Variants in C12orf42 observed in about 807,000 individuals in gnomAD.
The protein encoded by C12orf42 is uncharacterized protein C12orf42.
C12orf42 carries 25 observed loss-of-function variants against 21.6 expected under a neutral mutation model. The observed-to-expected ratio is 1.16, with a 90% CI of 0.84 to 1.62. The LOEUF is 1.62. Among genes scored for constraint, C12orf42 ranks in the 40% most tolerant of loss-of-function variants. The probability of loss-of-function intolerance (pLI) is 0.00; values close to 1 mark genes in which losing one functional copy is unlikely to be tolerated. For synonymous variants in C12orf42, 174 were observed against 175.0 expected, an observed-to-expected ratio of 0.99 and a Z score of 0.05; for missense variants, 483 against 459.3, an observed-to-expected ratio of 1.05 and a Z score of -0.47.
At chr12:103,281,167 T>C (rs992959560) in intron 4 of C12orf42, among the ~76,000 whole-genome samples, 21 of 152,224 alleles carry the variant, frequency 1.4e-4, no homozygotes, top group Admixed American at 1.1e-3. Flanking sequence ...CGAGATTCTT[T>C]ACACAGAATT....
the C12orf42 span, among the ~76,000 whole-genome samples, chr12:103,103,188 G>A: frequency 4.6e-5 from 7 of 152,128 alleles, no homozygotes; most frequent in South Asian, 1.2e-3. Flanking sequence ...CCAAGCTCAA[G>A]CATAGGGGAT....
chr12:103,084,719 G>A, the C12orf42 span, among the ~76,000 whole-genome samples: 1 of 152,018 alleles, frequency 6.6e-6, no homozygotes, highest in Non-Finnish European at 1.5e-5. Context: ...TGTTTCTTTT[G>A]GAAGCCAATT....
rs571254035 is a variant in C12orf42, at chr12:103,334,825, C to T, written c.260-28480G>A. Among the ~76,000 whole-genome samples, 43 of 152,296 alleles carry T rather than the reference C, an allele frequency of 2.8e-4. No homozygotes were observed. The South Asian group carries it at 8.7e-3, about 31-fold the overall frequency. Reference sequence around the variant, plus strand: ...TATGGCGAATAATTAGTTTTTCGACCCCACTCAAGAAAAATGTCCGCTTCA... The same window carrying T: ...TATGGCGAATAATTAGTTTTTCGACTCCACTCAAGAAAAATGTCCGCTTCA... On this transcript the variant is annotated intron_variant, in intron 4 of 5. Coordinates refer to ENST00000548883, the MANE Select transcript of C12orf42 (RefSeq NM_198521.5).
At chr12:103,431,794 A>G (rs1950287226) in intron 2 of C12orf42, among the ~76,000 whole-genome samples, 1 of 152,166 alleles carries the variant, frequency 6.6e-6, no homozygotes, top group Admixed American at 6.5e-5. Context: ...CACAGCACCA[A>G]AGTATGCTAG....
chr12:103,112,372 C>T, the C12orf42 span, among the ~76,000 whole-genome samples: 101 of 152,282 alleles, frequency 6.6e-4, no homozygotes, highest in Non-Finnish European at 5.6e-4. Context: ...TTAACTACTT[C>T]ATTGTGGCCA....
the C12orf42 span, among the ~76,000 whole-genome samples, chr12:103,131,619 A>T: frequency 6.6e-6 from 1 of 152,126 alleles, no homozygotes; most frequent in Non-Finnish European, 1.5e-5. Context: ...TTTTTTTCTC[A>T]ATAGAAATCA....
the C12orf42 span, among the ~76,000 whole-genome samples, chr12:103,116,692 T>C: frequency 6.6e-6 from 1 of 152,182 alleles, no homozygotes; most frequent in African/African-American, 2.4e-5. Flanking sequence ...ACAAGACATA[T>C]GAAAATCTCA....
chr12:103,526,506 G>A, the C12orf42 span, among the ~76,000 whole-genome samples: 1 of 152,148 alleles, frequency 6.6e-6, no homozygotes, highest in Non-Finnish European at 1.5e-5. Flanking sequence ...AACACTAGGA[G>A]GTGTATATGA....
At chr12:103,278,801 C>A (rs2035931351) in intron 4 of C12orf42, among the ~76,000 whole-genome samples, 1 of 152,212 alleles carries the variant, frequency 6.6e-6, no homozygotes, top group South Asian at 2.1e-4. Flanking sequence ...CAAAATAAAT[C>A]CAATGGCTTC....
the C12orf42 span, among the ~76,000 whole-genome samples, chr12:103,229,544 A>G: frequency 1.3e-5 from 2 of 152,222 alleles, no homozygotes; most frequent in African/African-American, 2.4e-5. Context: ...TAGTCTTACC[A>G]TTTTGTGTGA....
intron 1 of C12orf42, 41 bp from the exon 2 acceptor site, chr12:103,478,488 GA>G: frequency 1.0e-6 from 1 of 954,816 alleles, no homozygotes. Context: ...GGTTTACAAT[GA>G]TGCAATGATA....
intron 2 of C12orf42, among the ~76,000 whole-genome samples, chr12:103,475,145 T>C (rs1592967673): frequency 6.6e-6 from 1 of 152,204 alleles, no homozygotes. Context: ...AATTGTTTTC[T>C]ATAGAGACAA....
the C12orf42 span, among the ~76,000 whole-genome samples, chr12:103,076,547 A>T: frequency 0.012 from 1,808 of 152,194 alleles, 42 homozygotes; most frequent in African/African-American, 0.041. Flanking sequence ...ACAAAGTCGC[A>T]AGGGGGACTT....
intron 1 of C12orf42, among the ~76,000 whole-genome samples, chr12:103,494,592 T>A (rs977743980): frequency 6.6e-6 from 1 of 152,106 alleles, no homozygotes; most frequent in Non-Finnish European, 1.5e-5. Flanking sequence ...ACTGTAGTAA[T>A]GGTTTCAAAA....
chr12:103,165,993 T>A, the C12orf42 span, among the ~76,000 whole-genome samples: 1 of 149,676 alleles, frequency 6.7e-6, no homozygotes. Flanking sequence ...TGAGCCGAGA[T>A]CGCGCCACTG....
At chr12:103,062,397 T>A in the C12orf42 span, among the ~76,000 whole-genome samples, 21 of 152,048 alleles carry the variant, frequency 1.4e-4, no homozygotes, top group South Asian at 4.3e-3. Flanking sequence ...TTTTAAATAA[T>A]ATTTTTACTT....
intron 4 of C12orf42, among the ~76,000 whole-genome samples, chr12:103,319,633 A>G (rs2039885448): frequency 6.6e-6 from 1 of 152,248 alleles, no homozygotes; most frequent in Admixed American, 6.5e-5. Flanking sequence ...ATTGTTTCAG[A>G]ACCAAACAAT....
intron 3 of C12orf42, among the ~76,000 whole-genome samples, chr12:103,398,476 T>G (rs892982379): frequency 6.6e-6 from 1 of 152,294 alleles, no homozygotes; most frequent in South Asian, 2.1e-4. Flanking sequence ...TTGTCCTTTA[T>G]TTTTGTTTTA....
chr12:103,177,966 G>A, the C12orf42 span, among the ~76,000 whole-genome samples: 5 of 152,138 alleles, frequency 3.3e-5, no homozygotes, highest in South Asian at 4.1e-4. Flanking sequence ...AGAATAAAGC[G>A]TGTTTCCTTT....
Sources: gnomAD v4.1 joint callset for allele counts (sites outside exome capture counted in the v4.1 genomes callset) on GRCh38, gnomAD v4.1.1 for gene constraint, MANE v1.5 for transcripts, NCBI Gene and HGNC (gene_info 2026-07-23, HGNC 2026-07-21) for gene names.